SLC44A5: variants seen among roughly 807,000 people sequenced by gnomAD.
SLC44A5 encodes the protein choline transporter-like protein 5.
SLC44A5 carries 57 observed loss-of-function variants against 101.8 expected under a neutral mutation model. That is an observed-to-expected ratio of 0.56 (90% confidence interval 0.45 to 0.70). The LOEUF is 0.70. SLC44A5 is among the 30% of genes least tolerant of loss of function. The pLI, the probability that SLC44A5 is intolerant of heterozygous loss-of-function variation, is 0.00. For synonymous variants in SLC44A5, 281 were observed against 290.9 expected (o/e 0.97, Z 0.35); for missense variants, 737 against 853.1 (o/e 0.86, Z 1.70).
intron 2 of SLC44A5, among the ~76,000 whole-genome samples, chr1:75,515,085 T>G (rs1669757810): frequency 6.6e-6 from 1 of 152,218 alleles, no homozygotes; most frequent in Non-Finnish European, 1.5e-5. Context: ...TCTCTTACTC[T>G]TCACTTTTTG....
At chr1:75,339,226 T>G (rs1657679721) in intron 4 of SLC44A5, among the ~76,000 whole-genome samples, 1 of 150,782 alleles carries the variant, frequency 6.6e-6, no homozygotes. Context: ...TTTGCAATGG[T>G]GAGTCCCAGA....
At chr1:75,463,157 C>T (rs542166230) in intron 2 of SLC44A5, among the ~76,000 whole-genome samples, 1 of 152,130 alleles carries the variant, frequency 6.6e-6, no homozygotes, top group African/African-American at 2.4e-5. Context: ...CACGGTGGCT[C>T]ACGCCTGTAA....
At chr1:75,242,768 G>GT (rs1648751490) in intron 8 of SLC44A5, 118 bp downstream of exon 8, 2 of 1,179,422 alleles carry the variant, frequency 1.7e-6, no homozygotes, top group Admixed American at 4.9e-5. Context: ...CAATGAAATT[G>GT]TATCTAATCA....
At chr1:75,417,657 A>T (rs1385488462) in intron 2 of SLC44A5, among the ~76,000 whole-genome samples, 1 of 152,230 alleles carries the variant, frequency 6.6e-6, no homozygotes, top group Non-Finnish European at 1.5e-5. Context: ...TGTCATGTTG[A>T]CGTTGGATAC....
At chr1:75,287,305 G>T (rs1653134714) in intron 5 of SLC44A5, among the ~76,000 whole-genome samples, 1 of 150,672 alleles carries the variant, frequency 6.6e-6, no homozygotes, top group Admixed American at 6.6e-5. Flanking sequence ...TTTTATTTAT[G>T]CTGTCTATTT....
At chr1:75,221,504 T>C (rs1283459943) in intron 14 of SLC44A5, among the ~76,000 whole-genome samples, 1 of 152,188 alleles carries the variant, frequency 6.6e-6, no homozygotes, top group Non-Finnish European at 1.5e-5. Context: ...GTATAAAGTG[T>C]TCCTAAATTA....
the SLC44A5 span, chr1:75,641,800 A>T: frequency 1.3e-6 from 2 of 1,539,170 alleles, no homozygotes; most frequent in East Asian, 4.5e-5. Context: ...AAGAAAAAAG[A>T]CAATCACATA....
chr1:75,243,056 C>G (rs759799633), intron 7 of SLC44A5, 45 bp from the exon 8 acceptor site: 2 of 1,547,390 alleles, frequency 1.3e-6, no homozygotes, highest in South Asian at 2.6e-5. Context: ...GTTGAACAAA[C>G]CCAGGAACTA....
intron 1 of SLC44A5, among the ~76,000 whole-genome samples, chr1:75,542,073 G>A (rs1671383003): frequency 6.6e-6 from 1 of 151,932 alleles, no homozygotes; most frequent in Admixed American, 6.6e-5. Context: ...CCAAATGAAG[G>A]GGAAAAGCTA....
At chr1:75,511,349 T>C (rs1023461266) in intron 2 of SLC44A5, among the ~76,000 whole-genome samples, 2 of 152,150 alleles carry the variant, frequency 1.3e-5, no homozygotes, top group African/African-American at 4.8e-5. Flanking sequence ...ACATGTTTCA[T>C]AGACTTTTAC....
chr1:75,398,456 T>C, intron 2 of SLC44A5: 1 of 933,118 alleles, frequency 1.1e-6, no homozygotes, highest in Non-Finnish European at 1.3e-6. Context: ...TGGTAGTTAC[T>C]ATAATGTAGG....
chr1:75,203,940 G>GTTGC (rs112399722), intron 23 of SLC44A5, 107 bp from the exon 24 acceptor site: 1 of 994,672 alleles, frequency 1.0e-6, no homozygotes, highest in Non-Finnish European at 1.3e-6. Context: ...TCCTTTTGTT[G>GTTGC]TTTTTTTTTT....
At chr1:75,577,665 A>G (rs540748644) in intron 1 of SLC44A5, among the ~76,000 whole-genome samples, 4 of 152,142 alleles carry the variant, frequency 2.6e-5, no homozygotes, top group African/African-American at 9.6e-5. Flanking sequence ...ATAACACACT[A>G]TATGTTTTAT....
At chr1:75,450,832 C>A (rs1045902877) in intron 2 of SLC44A5, among the ~76,000 whole-genome samples, 1 of 152,158 alleles carries the variant, frequency 6.6e-6, no homozygotes, top group Non-Finnish European at 1.5e-5. Flanking sequence ...TACAGGAAGG[C>A]CCTCCCTCCT....
intron 3 of SLC44A5, among the ~76,000 whole-genome samples, chr1:75,372,140 T>C (rs971921887): frequency 7.1e-6 from 1 of 140,600 alleles, no homozygotes. Context: ...GAAGCTGCAG[T>C]GAGCCAAGAT....
chr1:75,428,020 G>C (rs1664408971), intron 2 of SLC44A5, among the ~76,000 whole-genome samples: 1 of 152,196 alleles, frequency 6.6e-6, no homozygotes, highest in African/African-American at 2.4e-5. Flanking sequence ...AGATTCTCCA[G>C]AGTGCTCACT....
the SLC44A5 span, among the ~76,000 whole-genome samples, chr1:75,645,426 T>C: frequency 1.3e-5 from 2 of 152,164 alleles, no homozygotes. Context: ...AAATGTCTTC[T>C]TTTGAGAAGT....
intron 3 of SLC44A5, among the ~76,000 whole-genome samples, chr1:75,390,772 A>G (rs1661731250): frequency 6.6e-6 from 1 of 152,196 alleles, no homozygotes; most frequent in African/African-American, 2.4e-5. Flanking sequence ...ATTTCCCTTG[A>G]GGAACTAGAA....
the SLC44A5 span, among the ~76,000 whole-genome samples, chr1:75,701,596 C>T: frequency 6.6e-6 from 1 of 152,182 alleles, no homozygotes; most frequent in Admixed American, 6.5e-5. Context: ...AAAACTGGCA[C>T]AAGACAGGGA....
Sources: gnomAD v4.1 joint callset for allele counts (sites outside exome capture counted in the v4.1 genomes callset) on GRCh38, gnomAD v4.1.1 for gene constraint, MANE v1.5 for transcripts, NCBI Gene and HGNC (gene_info 2026-07-23, HGNC 2026-07-21) for gene names.